SEC22C: variants seen among roughly 807,000 people sequenced by gnomAD.
SEC22C encodes vesicle-trafficking protein SEC22c.
SEC22C carries 29 observed loss-of-function variants against 34.7 expected under a neutral mutation model. The ratio of observed to expected loss-of-function variants is 0.84; its 90% CI spans 0.62 to 1.14. The LOEUF is 1.14. SEC22C is among the 50% of genes most tolerant of loss of function. SEC22C has a pLI of 0.00. For synonymous variants in SEC22C, 117 were observed against 132.8 expected (o/e 0.88, Z 0.82); for missense variants, 337 against 369.0 (o/e 0.91, Z 0.71).
intron 4 of SEC22C, among the ~76,000 whole-genome samples, chr3:42,560,000 C>T (rs1043631397): frequency 6.6e-6 from 1 of 151,578 alleles, no homozygotes; most frequent in East Asian, 1.9e-4. Context: ...CTGGCTCCAG[C>T]CCCCTGTCCA....
At position 42,549,102 on chromosome 3, in the gene SEC22C, C is replaced by T; in HGVS notation, c.*4146G>A. 1.0e-6 allele frequency: 1 copy of T among 997,544 alleles called. No individual in the cohort carries two copies. Among genetic ancestry groups the T allele is most frequent in the Non-Finnish European group, 1.2e-6 (1 of 836,566 alleles). The allele number at this position is 997,544 out of a possible 1,614,324, so 61.8% of individuals were successfully genotyped here. On this transcript the variant is annotated 3_prime_UTR_variant, in exon 7 of 7. Transcript: ENST00000264454. ...TGGTGCACTCTTTCCCTCACCTTCT[C>T]TCTCAAGGGCACAGCTACACTCTTT...
Position 42,553,346 on chromosome 3 carries a change from G to C in SEC22C, c.814C>G (p.Leu272Val), listed in dbSNP as rs1386625166. The change falls in exon 7 of 7, where the codon CTC (leucine) becomes GTC (valine). Residue 272 changes from leucine to valine, a missense_variant. Coordinates refer to ENST00000264454, the MANE Select transcript of SEC22C (RefSeq NM_032970.4). ...GNMYLHGLRN[L>V]WQILFHIGVA... is the part of the protein sequence containing the mutation. ...CCTATGTGGAAAAGGATTTGCCAGA[G>C]GTTCCTCAGCCCGTGCAGGTACATG... is the stretch of plus-strand genomic sequence containing the variant. The C allele has an allele frequency of 6.2e-7, 1 of 1,614,146 alleles. No homozygotes were observed. Among genetic ancestry groups the C allele is most frequent in the Non-Finnish European group, 8.5e-7 (1 of 1,180,038 alleles).
intron 1 of SEC22C, among the ~76,000 whole-genome samples, chr3:42,576,926 T>C (rs1577347738): frequency 6.6e-6 from 1 of 152,182 alleles, no homozygotes; most frequent in South Asian, 2.1e-4. Flanking sequence ...GTTGGAGGAA[T>C]AGACATAGAT....
chr3:42,597,280 G>T (rs569019128), intron 1 of SEC22C, among the ~76,000 whole-genome samples: 1 of 152,300 alleles, frequency 6.6e-6, no homozygotes, highest in Non-Finnish European at 1.5e-5. Flanking sequence ...GGACGGCTGG[G>T]TGCAGTGACT....
chr3:42,590,270 C>A (rs944379815), intron 1 of SEC22C, among the ~76,000 whole-genome samples: 6 of 152,126 alleles, frequency 3.9e-5, no homozygotes, highest in Non-Finnish European at 8.8e-5. Flanking sequence ...GACCTGGAGG[C>A]ACAGAGTGAT....
At chr3:42,581,438 A>G (rs941067722) in intron 1 of SEC22C, 4 of 152,284 alleles carry the variant, frequency 2.6e-5, no homozygotes, top group African/African-American at 9.6e-5. Context: ...AGTGTATCCA[A>G]TATTTAAAGT....
At chr3:42,579,238 TCACA>T (rs1704156985) in intron 1 of SEC22C, among the ~76,000 whole-genome samples, 1 of 151,968 alleles carries the variant, frequency 6.6e-6, no homozygotes, top group Non-Finnish European at 1.5e-5. Context: ...GATTGTGCCA[TCACA>T]CTCCAGCCTG....
chr3:42,578,862 A>G (rs1468716311), intron 1 of SEC22C, among the ~76,000 whole-genome samples: 6 of 152,236 alleles, frequency 3.9e-5, no homozygotes, highest in African/African-American at 1.4e-4. Flanking sequence ...ATGCATGAAC[A>G]CTGAAGGGCA....
intron 1 of SEC22C, among the ~76,000 whole-genome samples, chr3:42,572,958 G>A (rs930450023): frequency 3.3e-5 from 5 of 152,150 alleles, no homozygotes; most frequent in East Asian, 3.9e-4. Context: ...TCGATCTCCA[G>A]GGCTCAAGCA....
rs746899510 is a variant in SEC22C at position 42,553,266 on chromosome 3, C to A, written c.894G>T (p.Gln298His). ...QILTRQLQEK[Q>H]SDCGV ...GTCATCCTCATACTCCACAGTCAGA[C>A]TGCTTCTCCTGAAGCTGCCTTGTTA... The change falls in exon 7 of 7, where the codon CAG becomes CAT. Residue 298 changes from glutamine (Q) to histidine (H), a missense_variant. Physicochemically the swap from Gln to His is conservative, Grantham distance 24 (BLOSUM62 0). Coordinates refer to ENST00000264454, the MANE Select transcript of SEC22C (RefSeq NM_032970.4). 6.2e-7 allele frequency: 1 copy of A among 1,614,144 alleles called. No homozygotes were observed. The highest frequency in any genetic ancestry group is 2.2e-5 in the East Asian group (1 of 44,886).
In SEC22C at chr3:42,563,549, G is replaced by C; in HGVS notation, c.320C>G (p.Ser107Cys). Residue 107 changes from serine to cysteine, a missense_variant, in exon 3 of 7, where the codon TCC (serine) becomes TGC (cysteine). By Grantham distance (112) the Ser-to-Cys change is moderately radical. Coordinates refer to ENST00000264454, the MANE Select transcript of SEC22C (RefSeq NM_032970.4). ...SYDTTCIGLA[S>C]RPYAFLEFDS... is the part of the protein sequence containing the mutation. ...AAACTCAAGAAAAGCGTATGGCCTG[G>C]AGGCTAGGCCAATGCAGGTAGTGTC... The C allele has an allele frequency of 6.2e-7, 1 of 1,613,962 alleles. No homozygotes were observed. The highest frequency in any genetic ancestry group is 1.3e-5 in the African/African-American group (1 of 75,028).
chr3:42,572,472 A>C (rs1207068910), intron 1 of SEC22C, among the ~76,000 whole-genome samples: 4 of 152,134 alleles, frequency 2.6e-5, no homozygotes, highest in Non-Finnish European at 2.9e-5. Flanking sequence ...AGAGAAGGCC[A>C]AGTAGGGGGC....
In SEC22C at chr3:42,550,748, C is replaced by T. The variant is rs1203769635; in HGVS notation, c.*2500G>A. 3.0e-6 allele frequency: 3 copies of T among 985,346 alleles called. No homozygotes were observed. The highest frequency in any genetic ancestry group is 3.6e-6 in the Non-Finnish European group (3 of 829,950). 61.0% of individuals were successfully genotyped at this position (985,346 alleles called of 1,614,324 possible). A position where few individuals can be genotyped will look rare whatever the true frequency, so the allele number is the denominator to read the frequency against. ...CTCATCTTCAAGGACCGTTTCTTTA[C>T]TGCCTGCTGAATATGGATCATAGGC... On this transcript the variant is annotated 3_prime_UTR_variant, in exon 7 of 7. Transcript: ENST00000264454.
intron 1 of SEC22C, among the ~76,000 whole-genome samples, chr3:42,587,758 T>A (rs147343875): frequency 6.8e-6 from 1 of 147,142 alleles, no homozygotes; most frequent in Non-Finnish European, 1.5e-5. Flanking sequence ...AATCAAATCC[T>A]TATATAAACC....
Position 42,548,727 on chromosome 3 carries a change from G to A in SEC22C, c.*4521C>T. ...GGGAGTGAAAGGCAGGTCCAGGGTGGGAAGAAGAGGGGCTGCTACCTTTTG... is the reference window on the plus strand; with the variant it reads ...GGGAGTGAAAGGCAGGTCCAGGGTGAGAAGAAGAGGGGCTGCTACCTTTTG... On this transcript the variant is annotated 3_prime_UTR_variant, in exon 7 of 7. Transcript: ENST00000264454. The A allele has an allele frequency of 6.2e-7, 1 of 1,609,090 alleles. No individual in the cohort carries two copies. The highest frequency in any genetic ancestry group is 1.1e-5 in the South Asian group (1 of 90,848).
chr3:42,563,579 G>C lies in SEC22C; in HGVS notation c.290C>G (p.Ser97Cys), dbSNP rs768703228. Residue 97 changes from serine to cysteine, a missense_variant, in exon 3 of 7, where the codon TCC becomes TGC. Coordinates refer to ENST00000264454, the MANE Select transcript of SEC22C (RefSeq NM_032970.4). ...TAGGCCAATGCAGGTAGTGTCATAG[G>C]AAGCTGTGAATTCCCACCACAGGGT... ...LETLWWEFTA[S>C]YDTTCIGLAS... The C allele has an allele frequency of 1.2e-6, 2 of 1,614,190 alleles. No individual in the cohort carries two copies. Among genetic ancestry groups the C allele is most frequent in the South Asian group, 2.2e-5 (2 of 91,090 alleles).
chr3:42,551,807 T>C lies in SEC22C; in HGVS notation c.*1441A>G, dbSNP rs181907056. On this transcript the variant is annotated 3_prime_UTR_variant, in exon 7 of 7. Coordinates refer to ENST00000264454, the MANE Select transcript of SEC22C (RefSeq NM_032970.4). ...CAATACCAGTGATAACCAAATATAATTGAATTTTTCTAAAACTACATTCTT... is the reference window on the plus strand; with the variant it reads ...CAATACCAGTGATAACCAAATATAACTGAATTTTTCTAAAACTACATTCTT... 2,451 of 977,302 alleles carry C rather than the reference T, an allele frequency of 2.5e-3. 7 individuals are homozygous for C. The highest frequency in any genetic ancestry group is 2.8e-3 in the Non-Finnish European group (2,273 of 822,482). 60.5% of individuals were successfully genotyped at this position (977,302 alleles called of 1,614,324 possible).
rs1342778450 is a variant in SEC22C at position 42,550,651 on chromosome 3, C to A, written c.*2597G>T. On this transcript the variant is annotated 3_prime_UTR_variant, in exon 7 of 7. Transcript: ENST00000264454. Reference sequence around the variant, plus strand: ...ACCCCATGTAGATGTTAACTGATATCCACACATTCGACCTGGTGTGGATAA... The same window carrying A: ...ACCCCATGTAGATGTTAACTGATATACACACATTCGACCTGGTGTGGATAA... 1.0e-6 allele frequency: 1 copy of A among 985,012 alleles called. No homozygotes were observed. The highest frequency in any genetic ancestry group is 1.8e-5 in the African/African-American group (1 of 57,112). 61.0% of individuals were successfully genotyped at this position (985,012 alleles called of 1,614,324 possible).
intron 4 of SEC22C, among the ~76,000 whole-genome samples, chr3:42,560,059 C>T (rs1359545421): frequency 6.7e-6 from 1 of 149,398 alleles, no homozygotes; most frequent in Non-Finnish European, 1.5e-5. Flanking sequence ...GTGGGGGTTT[C>T]AGATCTACAA....
Sources: allele counts gnomAD v4.1 joint callset (sites outside exome capture counted in the v4.1 genomes callset), GRCh38; gene constraint gnomAD v4.1.1; transcripts MANE v1.5; gene names NCBI Gene and HGNC (gene_info 2026-07-23, HGNC 2026-07-21).